The following ZC4H2 variants were observed in gnomAD, a reference collection of about 807,000 sequenced individuals.
The protein encoded by ZC4H2 is zinc finger C4H2 domain-containing protein.
For missense variants in ZC4H2, 137 were observed against 173.9 expected (o/e 0.79, Z 1.19); for synonymous variants, 84 against 66.3 (o/e 1.27, Z -1.30).
chrX:64,984,134 T>C (rs753869455), intron 1 of ZC4H2, among the ~76,000 whole-genome samples: 1 of 108,711 alleles, frequency 9.2e-6, no homozygotes, highest in Non-Finnish European at 1.9e-5. Flanking sequence ...TTTCTCCACC[T>C]TTATGTCCAT....
intron 1 of ZC4H2, among the ~76,000 whole-genome samples, chrX:65,031,618 C>A (rs939044611): frequency 4.5e-5 from 5 of 112,100 alleles, no homozygotes; most frequent in African/African-American, 1.3e-4. Context: ...CCTTGGGGGA[C>A]AGAGTGAACC....
chrX:65,027,849 T>C (rs1372948661), intron 1 of ZC4H2, among the ~76,000 whole-genome samples: 1 of 111,963 alleles, frequency 8.9e-6, no homozygotes, highest in African/African-American at 3.3e-5. Flanking sequence ...AGTGGGCATC[T>C]TCAGTTGTCT....
chrX:64,934,017 C>A (rs889809483), intron 1 of ZC4H2, among the ~76,000 whole-genome samples: 2 of 111,691 alleles, frequency 1.8e-5, no homozygotes, highest in African/African-American at 6.5e-5. Context: ...CCCTGCCAGG[C>A]AAGCAGGAAA....
chrX:64,947,277 T>A (rs1243619967), intron 1 of ZC4H2, among the ~76,000 whole-genome samples: 2 of 112,090 alleles, frequency 1.8e-5, no homozygotes, highest in African/African-American at 6.5e-5. Flanking sequence ...TTTTGGTATA[T>A]GTTCCATGAG....
At chrX:65,027,327 C>T (rs181674170) in intron 1 of ZC4H2, among the ~76,000 whole-genome samples, 7 of 111,308 alleles carry the variant, frequency 6.3e-5, no homozygotes, top group African/African-American at 2.0e-4. Context: ...GTAAGGTTTG[C>T]ATTTTTAGAT....
intron 1 of ZC4H2, among the ~76,000 whole-genome samples, chrX:64,983,096 G>A (rs1207017010): frequency 9.0e-6 from 1 of 111,208 alleles, no homozygotes; most frequent in African/African-American, 3.3e-5. Context: ...AGCACAGGTG[G>A]CAGTATGCAT....
In ZC4H2 at chrX:64,959,232, C is replaced by T. The variant is rs554497577; in HGVS notation, c.53+17093G>A. ...AGTGAAGCAACAATATAAAAATAGC[C>T]TAGGTCCCCAATATCAAACACCACC... On this transcript the variant is annotated intron_variant, in intron 1 of 4. Coordinates refer to ENST00000374839, the MANE Select transcript of ZC4H2 (RefSeq NM_018684.4). Among the ~76,000 whole-genome samples, 5 of 108,300 alleles carry T rather than the reference C, an allele frequency of 4.6e-5. No homozygotes were observed. In the South Asian group the frequency reaches 2.1e-3, roughly 46 times the overall value. 94.0% of individuals were successfully genotyped at this position (108,300 alleles called of 115,157 possible).
At chrX:64,935,204 G>A (rs1355534118) in intron 1 of ZC4H2, among the ~76,000 whole-genome samples, 1 of 111,800 alleles carries the variant, frequency 8.9e-6, no homozygotes, top group Non-Finnish European at 1.9e-5. Context: ...GTGTAAAGAA[G>A]CCTCAGGGAA....
intron 1 of ZC4H2, among the ~76,000 whole-genome samples, chrX:65,003,799 C>T (rs1932601734): frequency 9.1e-6 from 1 of 109,323 alleles, no homozygotes; most frequent in African/African-American, 3.3e-5. Context: ...ATGGCGTGAA[C>T]CCCGGAGGCA....
At chrX:64,943,306 G>T (rs1042107976) in intron 1 of ZC4H2, among the ~76,000 whole-genome samples, 1 of 112,123 alleles carries the variant, frequency 8.9e-6, no homozygotes, top group Non-Finnish European at 1.9e-5. Context: ...TGTATATTCT[G>T]TTGATCTGGA....
intron 1 of ZC4H2, among the ~76,000 whole-genome samples, chrX:64,993,897 A>T (rs1317138411): frequency 2.7e-5 from 3 of 112,237 alleles, no homozygotes; most frequent in Non-Finnish European, 5.6e-5. Context: ...CTCTCGTTTT[A>T]CAGATGAGGA....
intron 1 of ZC4H2, among the ~76,000 whole-genome samples, chrX:64,953,564 T>A (rs1192604741): frequency 8.9e-6 from 1 of 112,199 alleles, no homozygotes; most frequent in African/African-American, 3.2e-5. Flanking sequence ...ATAAGTCACA[T>A]GAAAAAGTGC....
intron 1 of ZC4H2, among the ~76,000 whole-genome samples, chrX:64,971,693 A>G (rs935032543): frequency 9.0e-6 from 1 of 111,529 alleles, no homozygotes; most frequent in Non-Finnish European, 1.9e-5. Flanking sequence ...GGTGGGGTAT[A>G]GAGGTTGGAG....
At chrX:64,951,493 C>T (rs1026391390) in intron 1 of ZC4H2, among the ~76,000 whole-genome samples, 13 of 112,061 alleles carry the variant, frequency 1.2e-4, no homozygotes, top group African/African-American at 3.6e-4. Flanking sequence ...GATTGCCATT[C>T]TAACTGGTGT....
intron 1 of ZC4H2, among the ~76,000 whole-genome samples, chrX:65,023,309 C>T (rs1227182012): frequency 9.0e-6 from 1 of 111,618 alleles, no homozygotes; most frequent in Non-Finnish European, 1.9e-5. Flanking sequence ...CAAAGAGAGA[C>T]AATTTGACTT....
At chrX:64,928,632 C>CCTTCTCCTT (rs1929545035) in intron 1 of ZC4H2, among the ~76,000 whole-genome samples, 1 of 83,338 alleles carries the variant, frequency 1.2e-5, no homozygotes, top group Non-Finnish European at 2.3e-5. Context: ...CCTGCTTTCT[C>CCTTCTCCTT]CTTCTTCTTC....
intron 1 of ZC4H2, among the ~76,000 whole-genome samples, chrX:65,002,992 T>TC (rs1348496892): frequency 3.7e-5 from 4 of 108,492 alleles, no homozygotes; most frequent in East Asian, 5.7e-4. Flanking sequence ...TGACCTTCCC[T>TC]CCACTATTGT....
chrX:64,927,660 C>T (rs762054397), intron 1 of ZC4H2, among the ~76,000 whole-genome samples: 2 of 111,993 alleles, frequency 1.8e-5, no homozygotes, highest in Non-Finnish European at 3.8e-5. Flanking sequence ...AATGGAATTG[C>T]TGGGTCAAAT....
Position 64,956,065 on chromosome X carries a change from T to C in ZC4H2, c.53+20260A>G, listed in dbSNP as rs192165072. On this transcript the variant is annotated intron_variant, in intron 1 of 4. Transcript: ENST00000374839. ...CCCTCATGATAGGCTCTATAGCAGATTTTACTGTAAAGGCTATGGCTACAC... is the reference window on the plus strand; with the variant it reads ...CCCTCATGATAGGCTCTATAGCAGACTTTACTGTAAAGGCTATGGCTACAC... Among the ~76,000 whole-genome samples the C allele has an allele frequency of 5.4e-5, 6 of 112,052 alleles. No individual in the cohort carries two copies. The South Asian group carries it at 1.5e-3, about 28-fold the overall frequency.
Sources: gnomAD v4.1 joint callset for allele counts (sites outside exome capture counted in the v4.1 genomes callset) on GRCh38, gnomAD v4.1.1 for gene constraint, MANE v1.5 for transcripts, NCBI Gene and HGNC (gene_info 2026-07-23, HGNC 2026-07-21) for gene names.